The following PDGFD variants were observed in gnomAD, a reference collection of about 807,000 sequenced individuals.
PDGFD encodes platelet derived growth factor D, also known as platelet-derived growth factor D.
Under a neutral mutation model 44.7 loss-of-function variants are expected in PDGFD, and 30 were observed. The ratio of observed to expected loss-of-function variants is 0.67; its 90% confidence interval spans 0.50 to 0.91. PDGFD has a LOEUF of 0.91. Among genes scored for constraint, PDGFD ranks in the 40% least tolerant of loss-of-function variants. The pLI, the probability that PDGFD is intolerant of heterozygous loss-of-function variation, is 0.00. For missense variants in PDGFD, 445 were observed against 457.8 expected (o/e 0.97, Z 0.25); for synonymous variants, 173 against 168.4 (o/e 1.03, Z -0.21).
chr11:103,921,617 AATCT>A (rs1858222717), intron 6 of PDGFD, among the ~76,000 whole-genome samples: 1 of 151,966 alleles, frequency 6.6e-6, no homozygotes, highest in African/African-American at 2.4e-5. Flanking sequence ...AAAAAAAAAA[AATCT>A]AAATCTAACC....
chr11:104,071,085 A>G (rs961403584), intron 1 of PDGFD, among the ~76,000 whole-genome samples: 1 of 151,980 alleles, frequency 6.6e-6, no homozygotes, highest in Non-Finnish European at 1.5e-5. Context: ...TTATTTTAAT[A>G]TATATAATGT....
intron 3 of PDGFD, among the ~76,000 whole-genome samples, chr11:103,960,507 C>T (rs966742617): frequency 1.3e-5 from 2 of 152,152 alleles, no homozygotes; most frequent in Non-Finnish European, 2.9e-5. Context: ...TTTTGAATGA[C>T]CAAAGTATGT....
chr11:103,971,992 T>G (rs1347208458), intron 3 of PDGFD, among the ~76,000 whole-genome samples: 1 of 152,216 alleles, frequency 6.6e-6, no homozygotes, highest in Non-Finnish European at 1.5e-5. Flanking sequence ...TAACTTTCTC[T>G]TACATTACAT....
chr11:104,016,169 T>A (rs531833577), intron 1 of PDGFD, among the ~76,000 whole-genome samples: 1 of 152,076 alleles, frequency 6.6e-6, no homozygotes, highest in African/African-American at 2.4e-5. Context: ...AAGGAAAAGG[T>A]GTCATCTCTC....
intron 3 of PDGFD, among the ~76,000 whole-genome samples, chr11:103,959,212 T>C (rs552902213): frequency 1.9e-4 from 29 of 152,338 alleles, no homozygotes; most frequent in African/African-American, 7.0e-4. Context: ...TCCTTATCCT[T>C]ACACTGGACC....
intron 1 of PDGFD, among the ~76,000 whole-genome samples, chr11:104,053,124 TCA>T (rs1439135536): frequency 6.6e-6 from 1 of 152,198 alleles, no homozygotes; most frequent in Non-Finnish European, 1.5e-5. Context: ...CTGAAGAACC[TCA>T]GTCTATTCAA....
chr11:103,962,341 A>C (rs1858950904), intron 3 of PDGFD, among the ~76,000 whole-genome samples: 3 of 152,164 alleles, frequency 2.0e-5, no homozygotes. Flanking sequence ...AGGATTCAAT[A>C]GATGAGAATC....
chr11:103,976,031 A>G (rs983878102), intron 3 of PDGFD, among the ~76,000 whole-genome samples: 4 of 152,170 alleles, frequency 2.6e-5, no homozygotes, highest in Admixed American at 6.5e-5. Flanking sequence ...AGTTCTGTGA[A>G]GAAAGTCAAT....
intron 1 of PDGFD, among the ~76,000 whole-genome samples, chr11:104,036,120 A>T (rs917965098): frequency 6.6e-6 from 1 of 152,178 alleles, no homozygotes; most frequent in African/African-American, 2.4e-5. Flanking sequence ...AAAATGAACA[A>T]AACAAATGAT....
At chr11:104,113,529 T>C (rs1861590910) in intron 1 of PDGFD, among the ~76,000 whole-genome samples, 1 of 151,986 alleles carries the variant, frequency 6.6e-6, no homozygotes, top group Admixed American at 6.6e-5. Context: ...CAAGGATATC[T>C]TGGTTGCTTC....
At chr11:104,004,613 T>C (rs2079164121) in intron 1 of PDGFD, among the ~76,000 whole-genome samples, 1 of 152,150 alleles carries the variant, frequency 6.6e-6, no homozygotes, top group African/African-American at 2.4e-5. Flanking sequence ...TATGCTGCAG[T>C]ATTTTGAACT....
At chr11:103,998,183 G>A (rs1266564909) in intron 2 of PDGFD, among the ~76,000 whole-genome samples, 1 of 152,150 alleles carries the variant, frequency 6.6e-6, no homozygotes, top group Non-Finnish European at 1.5e-5. Context: ...GGGGTTAGAG[G>A]AGCATCTTTT....
rs137862436 is a variant in PDGFD at position 104,124,494 on chromosome 11, G to A, written c.124+39310C>T. On this transcript the variant is annotated intron_variant, in intron 1 of 6. Transcript: ENST00000393158. Reference sequence around the variant, plus strand: ...CATTTAAGGCCCTCATCTTCACCACGTGTAAATATTATAAATGCTGATATT... The same window carrying A: ...CATTTAAGGCCCTCATCTTCACCACATGTAAATATTATAAATGCTGATATT... 2.3e-3 allele frequency among the ~76,000 whole-genome samples: 346 copies of A among 152,104 alleles called. 1 individual carries two copies. The highest frequency in any genetic ancestry group is 7.7e-3 in the African/African-American group (321 of 41,514).
At chr11:103,948,488 A>T (rs1858694331) in intron 3 of PDGFD, among the ~76,000 whole-genome samples, 1 of 152,250 alleles carries the variant, frequency 6.6e-6, no homozygotes, top group African/African-American at 2.4e-5. Flanking sequence ...CTCCATGTTA[A>T]TTACTACAGC....
intron 1 of PDGFD, among the ~76,000 whole-genome samples, chr11:104,108,686 C>A (rs1298538846): frequency 6.6e-6 from 1 of 152,142 alleles, no homozygotes; most frequent in African/African-American, 2.4e-5. Flanking sequence ...TTTGACCCAG[C>A]CATTCCATTA....
intron 1 of PDGFD, among the ~76,000 whole-genome samples, chr11:104,158,746 T>G (rs1409274022): frequency 6.6e-6 from 1 of 151,816 alleles, no homozygotes; most frequent in Admixed American, 6.6e-5. Flanking sequence ...GGAAGGAGAA[T>G]GGCGTGAACC....
chr11:104,136,796 A>G (rs1862011534), intron 1 of PDGFD, among the ~76,000 whole-genome samples: 1 of 152,196 alleles, frequency 6.6e-6, no homozygotes, highest in Non-Finnish European at 1.5e-5. Flanking sequence ...CCAATCTGTC[A>G]TCACTTTTAT....
intron 1 of PDGFD, among the ~76,000 whole-genome samples, chr11:104,091,448 A>G (rs1861211939): frequency 6.6e-6 from 1 of 152,192 alleles, no homozygotes; most frequent in Admixed American, 6.6e-5. Context: ...GGATCAGGAA[A>G]CACTTTACCC....
intron 1 of PDGFD, among the ~76,000 whole-genome samples, chr11:104,077,685 C>T (rs925816834): frequency 6.6e-6 from 1 of 151,888 alleles, no homozygotes; most frequent in Admixed American, 6.6e-5. Context: ...TGTAACTGAT[C>T]TAGATTTCCT....
Sources: gnomAD v4.1 joint callset for allele counts (sites outside exome capture counted in the v4.1 genomes callset) on GRCh38, gnomAD v4.1.1 for gene constraint, MANE v1.5 for transcripts, NCBI Gene and HGNC (gene_info 2026-07-23, HGNC 2026-07-21) for gene names.